The following TTLL11 variants were observed in gnomAD, a reference collection of about 807,000 sequenced individuals.
TTLL11 encodes tubulin polyglutamylase TTLL11.
In TTLL11, 42 loss-of-function variants were observed where a neutral mutation model predicts 51.7. The observed-to-expected ratio is 0.81, with a 90% CI of 0.64 to 1.05. The LOEUF (loss-of-function observed/expected upper bound fraction) is 1.05. Among genes scored for constraint, TTLL11 ranks in the 50% least tolerant of loss-of-function variants. The pLI is 0.00. For missense variants in TTLL11, 799 were observed against 940.4 expected, an observed-to-expected ratio of 0.85 and a Z score of 1.97; for synonymous variants, 381 against 383.5, an observed-to-expected ratio of 0.99 and a Z score of 0.08.
chr9:122,087,911 G>A (rs576826142), intron 1 of TTLL11, among the ~76,000 whole-genome samples: 1 of 152,306 alleles, frequency 6.6e-6, no homozygotes, highest in East Asian at 1.9e-4. Context: ...AGTAACTCCA[G>A]TCTTGTCTAC....
At chr9:121,842,533 A>G (rs1837390283) in intron 8 of TTLL11, among the ~76,000 whole-genome samples, 1 of 152,220 alleles carries the variant, frequency 6.6e-6, no homozygotes. Flanking sequence ...GGCCTCCCAA[A>G]GTACAGGCAT....
chr9:121,890,846 A>C lies in TTLL11; in HGVS notation c.1482-20098T>G, dbSNP rs1031349181. ...TCTCTGCCTGCAGAGTGAAGTCTAA[A>C]CTCTCTGGCCTGGTCAAGCCCTTGA... On this transcript the variant is annotated intron_variant, in intron 6 of 8. Coordinates refer to ENST00000321582, the MANE Select transcript of TTLL11 (RefSeq NM_001139442.2). The surrounding 1 kb of genome is among the most constrained non-coding windows in gnomAD (Gnocchi z 4.3). Among the ~76,000 whole-genome samples the C allele has an allele frequency of 3.3e-5, 5 of 151,914 alleles. No individual in the cohort carries two copies. Among genetic ancestry groups the C allele is most frequent in the African/African-American group, 1.2e-4 (5 of 41,320 alleles).
chr9:121,975,692 A>C (rs1842689658), intron 4 of TTLL11, among the ~76,000 whole-genome samples: 1 of 152,174 alleles, frequency 6.6e-6, no homozygotes, highest in African/African-American at 2.4e-5. Flanking sequence ...AGCCTAGGTG[A>C]CAGAATGAGA....
At position 121,989,843 on chromosome 9, in the gene TTLL11, A is replaced by T; in HGVS notation, c.694-73T>A. The T allele has an allele frequency of 6.6e-7, 1 of 1,518,606 alleles. No homozygotes were observed. The highest frequency in any genetic ancestry group is 8.8e-7 in the Non-Finnish European group (1 of 1,139,900). The allele number at this position is 1,518,606 out of a possible 1,614,324, so 94.1% of individuals were successfully genotyped here. A position where few individuals can be genotyped will look rare whatever the true frequency, so the allele number is the denominator to read the frequency against. On this transcript the variant is annotated intron_variant, in intron 3 of 8. Transcript: ENST00000321582. This position sits in a 1 kb window ranked among gnomAD's most constrained non-coding sequence, Gnocchi z 4.2. ...GATCCCTAACACAGAGCAAGGCCTT[A>T]GCAAATGTGTGGTGAATGAGTGACA...
Position 121,870,590 on chromosome 9 carries a change from C to T in TTLL11, c.1640G>A (p.Arg547His), listed in dbSNP as rs61739514. The T allele has an allele frequency of 1.1e-4, 178 of 1,551,690 alleles. No homozygotes were observed. The African/African-American group carries it at 2.2e-3, about 20-fold the overall frequency. The change falls in exon 7 of 9, where the codon CGC becomes CAC. Residue 547 changes from arginine to histidine, a missense_variant. This residue lies in a region of TTLL11 where 468 missense variants were observed against 612.8 expected (regional missense o/e 0.76). Coordinates refer to ENST00000321582, the MANE Select transcript of TTLL11 (RefSeq NM_001139442.2). The stretch of plus-strand genomic sequence containing the variant: ...CAAATTTGCCATCCTGTCCACCAGG[C>T]GCAGGTAGTTGAACTGTTTTGCGTA... ...PKYAKQFNYL[R>H]LVDRMANLFI...
chr9:122,061,346 C>G (rs1231692629), intron 1 of TTLL11, among the ~76,000 whole-genome samples: 1 of 152,162 alleles, frequency 6.6e-6, no homozygotes, highest in East Asian at 1.9e-4. Context: ...CACAATTCAA[C>G]CCCTATACAT....
At chr9:121,885,178 A>G (rs1005270197) in intron 6 of TTLL11, 1 of 152,130 alleles carries the variant, frequency 6.6e-6, no homozygotes, top group African/African-American at 2.4e-5. Context: ...CGGTAATCCA[A>G]CGTTCCAGGA....
intron 6 of TTLL11, among the ~76,000 whole-genome samples, chr9:121,888,586 ACTTGG>A (rs1447612103): frequency 6.6e-6 from 1 of 152,228 alleles, no homozygotes; most frequent in East Asian, 1.9e-4. Flanking sequence ...TGTTACTTAG[ACTTGG>A]CTGAATCAGT....
At chr9:121,838,014 C>T (rs947206688) in intron 8 of TTLL11, among the ~76,000 whole-genome samples, 5 of 152,232 alleles carry the variant, frequency 3.3e-5, no homozygotes, top group African/African-American at 1.2e-4. Flanking sequence ...CTCTCTCGCT[C>T]TCTCTTCCTG....
In TTLL11 at chr9:121,989,749, C is replaced by A; in HGVS notation, c.715G>T (p.Asp239Tyr). The change falls in exon 4 of 9, where the codon GAC (aspartate) becomes TAC (tyrosine). Residue 239 changes from aspartate (D) to tyrosine (Y), a missense_variant. Around this residue, in one of 3 missense-constraint regions of TTLL11, gnomAD observed 468 missense variants for 612.8 expected, o/e 0.76. Transcript: ENST00000321582. The surrounding 1 kb of genome is among the most constrained non-coding windows in gnomAD (Gnocchi z 4.2). The part of the protein sequence containing the change: ...VAQVQMVKDD[D>Y]PSWKPTFIVK... ...ATAAAAGTGGGCTTCCAGGAGGGGT[C>A]ATCGTCTTTCACCATTTGAACCTGG... The A allele has an allele frequency of 6.2e-7, 1 of 1,603,396 alleles. No individual in the cohort carries two copies. Among genetic ancestry groups the A allele is most frequent in the South Asian group, 1.1e-5 (1 of 89,830 alleles).
intron 1 of TTLL11, among the ~76,000 whole-genome samples, chr9:122,092,470 T>G (rs1846286827): frequency 6.6e-6 from 1 of 152,156 alleles, no homozygotes; most frequent in Admixed American, 6.5e-5. Flanking sequence ...AGTGGCTAAC[T>G]TGACCTGGAG....
intron 6 of TTLL11, among the ~76,000 whole-genome samples, chr9:121,960,393 AC>A (rs1236581769): frequency 6.6e-6 from 1 of 152,170 alleles, no homozygotes; most frequent in South Asian, 2.1e-4. Flanking sequence ...ATTTGTCAAT[AC>A]AGCTATGAAT....
At chr9:121,832,921 C>T (rs993994989) in intron 8 of TTLL11, among the ~76,000 whole-genome samples, 1 of 152,202 alleles carries the variant, frequency 6.6e-6, no homozygotes, top group Non-Finnish European at 1.5e-5. Flanking sequence ...GCCTGGGCAA[C>T]AGAGTGAGAT....
chr9:121,965,816 G>A (rs551951970), intron 6 of TTLL11, among the ~76,000 whole-genome samples: 3 of 152,316 alleles, frequency 2.0e-5, no homozygotes, highest in Non-Finnish European at 4.4e-5. Flanking sequence ...TCTGGGTCTG[G>A]AGAATTTCTG....
At chr9:122,075,532 C>T (rs1432863090) in intron 1 of TTLL11, among the ~76,000 whole-genome samples, 2 of 152,230 alleles carry the variant, frequency 1.3e-5, no homozygotes, top group Non-Finnish European at 2.9e-5. Context: ...CCTCTCCCTT[C>T]GTTCTCTAAA....
intron 8 of TTLL11, among the ~76,000 whole-genome samples, chr9:121,831,320 CCA>C (rs1173606648): frequency 2.0e-5 from 3 of 152,214 alleles, no homozygotes; most frequent in Non-Finnish European, 4.4e-5. Context: ...GGCTTCTGCC[CCA>C]GTGAGTGATC....
intron 6 of TTLL11, among the ~76,000 whole-genome samples, chr9:121,882,802 C>T (rs1214182190): frequency 6.6e-6 from 1 of 152,180 alleles, no homozygotes; most frequent in African/African-American, 2.4e-5. Context: ...CTGGATCCTT[C>T]CCACTCAGAA....
At chr9:121,980,556 G>A (rs1003104774) in intron 4 of TTLL11, among the ~76,000 whole-genome samples, 1 of 152,196 alleles carries the variant, frequency 6.6e-6, no homozygotes, top group African/African-American at 2.4e-5. Flanking sequence ...GATAGATTCT[G>A]TGGTTTTCTA....
At chr9:121,884,800 T>C (rs1199528102) in intron 6 of TTLL11, 2 of 152,186 alleles carry the variant, frequency 1.3e-5, no homozygotes, top group Admixed American at 1.3e-4. Context: ...TGCTCAGCAT[T>C]TGGGAGACTG....
Sources: gnomAD v4.1 joint callset for allele counts (sites outside exome capture counted in the v4.1 genomes callset) on GRCh38, gnomAD v4.1.1 for gene constraint, gnomAD v4.1.1 regional missense constraint, Gnocchi (gnomAD v3.1) non-coding constraint, MANE v1.5 for transcripts, NCBI Gene and HGNC (gene_info 2026-07-23, HGNC 2026-07-21) for gene names.